Variants in WWOX observed in about 807,000 individuals in gnomAD.
WWOX encodes the protein WW domain containing oxidoreductase, also known as WW domain-containing oxidoreductase.
WWOX carries 69 observed loss-of-function variants against 46.2 expected under a neutral mutation model. The observed-to-expected ratio is 1.49, with a 90% CI of 1.23 to 1.82. WWOX has a LOEUF of 1.82. Among genes scored for constraint, WWOX ranks in the 40% most tolerant of loss-of-function variants. The pLI is 0.00. For missense variants in WWOX, 919 were observed against 542.6 expected (o/e 1.69, Z -6.89); for synonymous variants, 359 against 202.6 (o/e 1.77, Z -6.56).
intron 8 of WWOX, among the ~76,000 whole-genome samples, chr16:78,929,346 T>C (rs2045569618): frequency 6.6e-6 from 1 of 152,166 alleles, no homozygotes. Context: ...TTTCAGTTTC[T>C]ATATAGTGCA....
chr16:79,195,158 C>A (rs1291248837), intron 8 of WWOX, among the ~76,000 whole-genome samples: 1 of 152,006 alleles, frequency 6.6e-6, no homozygotes, highest in Non-Finnish European at 1.5e-5. Flanking sequence ...CTCTAAGTCC[C>A]CCAGCTATTG....
chr16:78,351,116 C>G (rs1018807287), intron 5 of WWOX, among the ~76,000 whole-genome samples: 14 of 152,132 alleles, frequency 9.2e-5, no homozygotes, highest in Non-Finnish European at 2.1e-4. Flanking sequence ...CAGGTCACAC[C>G]TGTAATCATG....
intron 8 of WWOX, among the ~76,000 whole-genome samples, chr16:78,642,158 A>G (rs1055943195): frequency 9.9e-5 from 15 of 152,208 alleles, no homozygotes; most frequent in Non-Finnish European, 1.8e-4. Context: ...GCACTTTTAT[A>G]TATACTTGAA....
chr16:78,456,900 G>A (rs1055002635), intron 8 of WWOX, among the ~76,000 whole-genome samples: 2 of 152,216 alleles, frequency 1.3e-5, no homozygotes, highest in Non-Finnish European at 2.9e-5. Context: ...ATTAGTTCAC[G>A]TGGCGTTGGC....
At chr16:78,522,963 C>G (rs762959758) in intron 8 of WWOX, among the ~76,000 whole-genome samples, 16 of 152,088 alleles carry the variant, frequency 1.1e-4, no homozygotes, top group East Asian at 1.9e-4. Context: ...TCCCAGCTAC[C>G]TGGGAGGCTG....
chr16:78,561,165 C>G (rs4309407), intron 8 of WWOX, among the ~76,000 whole-genome samples: 6,934 of 152,214 alleles, frequency 0.046, 277 homozygotes, highest in East Asian at 0.17. Context: ...CCTCAGCTCC[C>G]AGAGGCAACC....
chr16:78,103,861 C>T (rs923261741), intron 1 of WWOX, among the ~76,000 whole-genome samples: 14 of 151,918 alleles, frequency 9.2e-5, no homozygotes, highest in African/African-American at 3.1e-4. Flanking sequence ...TGGGTGCTGT[C>T]GGCCTCTCCT....
intron 8 of WWOX, among the ~76,000 whole-genome samples, chr16:79,193,161 A>G (rs1318497797): frequency 1.3e-5 from 2 of 152,278 alleles, no homozygotes; most frequent in South Asian, 2.1e-4. Context: ...GAATCTCCCA[A>G]TACAGAACAG....
chr16:78,465,306 A>G (rs933998524), intron 8 of WWOX, among the ~76,000 whole-genome samples: 2 of 152,218 alleles, frequency 1.3e-5, no homozygotes, highest in African/African-American at 4.8e-5. Context: ...AGCCTTCTTT[A>G]CCATTTCTGA....
At chr16:79,128,372 C>CA in intron 8 of WWOX, among the ~76,000 whole-genome samples, 1 of 144,372 alleles carries the variant, frequency 6.9e-6, no homozygotes, top group South Asian at 2.1e-4. Context: ...GTGTGAAAAA[C>CA]AAAAAACAAA....
chr16:79,069,351 C>G (rs556958710), intron 8 of WWOX, among the ~76,000 whole-genome samples: 3 of 152,250 alleles, frequency 2.0e-5, no homozygotes, highest in African/African-American at 7.2e-5. Context: ...GCAAAAGAGC[C>G]CAGTGATTGG....
Position 78,923,606 on chromosome 16 carries a change from C to T in WWOX, c.1057-288002C>T, listed in dbSNP as rs368902195. Among the ~76,000 whole-genome samples the T allele has an allele frequency of 5.9e-5, 9 of 151,778 alleles. 1 individual carries two copies. The South Asian group carries it at 8.3e-4, about 14-fold the overall frequency. ...GCAGCTTTTTCTACAAATCTCTTGG[C>T]GGGTGGGGGGATATTTCACTCTTCT... On this transcript the variant is annotated intron_variant, in intron 8 of 8. Coordinates refer to ENST00000566780, the MANE Select transcript of WWOX (RefSeq NM_016373.4).
At chr16:79,164,797 C>A (rs1242214837) in intron 8 of WWOX, among the ~76,000 whole-genome samples, 5 of 152,174 alleles carry the variant, frequency 3.3e-5, no homozygotes, top group African/African-American at 1.2e-4. Flanking sequence ...GGCAAGGAGA[C>A]AAGGGATTCA....
chr16:78,541,198 G>A (rs925310606), intron 8 of WWOX, among the ~76,000 whole-genome samples: 7 of 151,962 alleles, frequency 4.6e-5, no homozygotes, highest in African/African-American at 1.7e-4. Flanking sequence ...CGTACGGCCG[G>A]GCGCGGTGGC....
intron 8 of WWOX, among the ~76,000 whole-genome samples, chr16:78,671,665 A>C (rs1208006300): frequency 6.6e-6 from 1 of 152,182 alleles, no homozygotes; most frequent in African/African-American, 2.4e-5. Flanking sequence ...CAAATGAGAC[A>C]GTGTATGTAA....
intron 5 of WWOX, among the ~76,000 whole-genome samples, chr16:78,310,584 C>T (rs996498829): frequency 6.6e-6 from 1 of 152,182 alleles, no homozygotes; most frequent in African/African-American, 2.4e-5. Context: ...CCCGGTGCTT[C>T]TGCATGCAAA....
At chr16:78,635,739 C>T (rs1184105465) in intron 8 of WWOX, among the ~76,000 whole-genome samples, 1 of 152,172 alleles carries the variant, frequency 6.6e-6, no homozygotes, top group African/African-American at 2.4e-5. Flanking sequence ...CGTCATCGTC[C>T]TTATGAAAAG....
chr16:79,047,479 T>G (rs560465810), intron 8 of WWOX, among the ~76,000 whole-genome samples: 2 of 152,180 alleles, frequency 1.3e-5, no homozygotes, highest in Admixed American at 6.5e-5. Flanking sequence ...AAGCCTGGCA[T>G]ATAGAAATGA....
chr16:78,279,333 C>T (rs2079636427), intron 5 of WWOX, among the ~76,000 whole-genome samples: 1 of 152,032 alleles, frequency 6.6e-6, no homozygotes, highest in African/African-American at 2.4e-5. Flanking sequence ...TTTCATTCTC[C>T]TATAAAATAT....
Sources: allele counts gnomAD v4.1 joint callset (sites outside exome capture counted in the v4.1 genomes callset), GRCh38; gene constraint gnomAD v4.1.1; transcripts MANE v1.5; gene names NCBI Gene and HGNC (gene_info 2026-07-23, HGNC 2026-07-21).